The following CHL1 variants were observed in gnomAD, a reference collection of about 807,000 sequenced individuals.
CHL1 encodes neural cell adhesion molecule L1-like protein.
In CHL1, 96 loss-of-function variants were observed where a neutral mutation model predicts 141.9. The observed-to-expected ratio is 0.68, with a 90% confidence interval of 0.57 to 0.80. The LOEUF (loss-of-function observed/expected upper bound fraction) is 0.80. Among genes scored for constraint, CHL1 ranks in the 30% least tolerant of loss-of-function variants. The pLI, the probability that CHL1 is intolerant of heterozygous loss-of-function variation, is 0.00. For missense variants in CHL1, 1,820 were observed against 1,457.2 expected (o/e 1.25, Z -4.05); for synonymous variants, 613 against 502.2 (o/e 1.22, Z -2.95).
chr3:387,776 C>G (rs964975523), intron 19 of CHL1, among the ~76,000 whole-genome samples: 1 of 152,166 alleles, frequency 6.6e-6, no homozygotes, highest in Non-Finnish European at 1.5e-5. Flanking sequence ...TGGAGCAAAA[C>G]TTTCCAATGA....
At chr3:363,551 T>C (rs1704502372) in intron 14 of CHL1, 168 bp downstream of exon 14, 1 of 610,176 alleles carries the variant, frequency 1.6e-6, no homozygotes, top group Non-Finnish European at 2.8e-6. Flanking sequence ...TTGCAAGAAC[T>C]ACAGGGTATG....
intron 15 of CHL1, among the ~76,000 whole-genome samples, chr3:371,648 A>G (rs753161950): frequency 3.3e-5 from 5 of 152,186 alleles, no homozygotes; most frequent in Non-Finnish European, 7.4e-5. Context: ...TCCTGTCATC[A>G]TGATGCTGTT....
In CHL1 at chr3:196,791, G is replaced by C. The variant is rs1002113866; in HGVS notation, c.-447G>C. 1 of 152,468 alleles carries C rather than the reference G, an allele frequency of 6.6e-6. No individual in the cohort carries two copies. The highest frequency in any genetic ancestry group is 2.1e-4 in the South Asian group (1 of 4,840). The allele number at this position is 152,468 out of a possible 1,614,324, so 9.4% of individuals were successfully genotyped here. ...GAACCCAGGAAGGGAGCAGAGGCGA[G>C]AGCCAGCCTCCGGCAGGAGGGCGTA... On this transcript the variant is annotated 5_prime_UTR_variant, in exon 1 of 28. Coordinates refer to ENST00000256509, the MANE Select transcript of CHL1 (RefSeq NM_006614.4).
intron 12 of CHL1, 53 bp downstream of exon 12, chr3:360,477 C>G (rs1704127665): frequency 2.5e-6 from 4 of 1,581,732 alleles, no homozygotes; most frequent in African/African-American, 2.7e-5. Flanking sequence ...GGAAAGTGGT[C>G]AAGGTCATGT....
intron 1 of CHL1, among the ~76,000 whole-genome samples, chr3:204,171 A>G (rs991188352): frequency 4.6e-5 from 7 of 152,354 alleles, no homozygotes; most frequent in Admixed American, 2.6e-4. Flanking sequence ...ATGAGAGCTG[A>G]CATAGCAGAG....
intron 1 of CHL1, among the ~76,000 whole-genome samples, chr3:199,109 G>A (rs1328286817): frequency 6.6e-6 from 1 of 152,304 alleles, no homozygotes; most frequent in African/African-American, 2.4e-5. Flanking sequence ...ATAATTTAAC[G>A]TGGTTACAGA....
intron 2 of CHL1, among the ~76,000 whole-genome samples, chr3:284,476 G>A (rs1402542487): frequency 6.6e-6 from 1 of 152,212 alleles, no homozygotes; most frequent in African/African-American, 2.4e-5. Context: ...TCCAAACCGT[G>A]TGAGAAGTCT....
Position 308,894 on chromosome 3 carries a change from A to AT in CHL1, c.-94-10782dup, listed in dbSNP as rs550383714. 3.2e-3 allele frequency: 512 copies of AT among 162,016 alleles called. 7 individuals carry two copies. The highest frequency in any genetic ancestry group is 5.4e-3 in the Non-Finnish European group (366 of 68,290). The allele number at this position is 162,016 out of a possible 1,614,324, so 10.0% of individuals were successfully genotyped here. ...GCGGCATTCATTTTCCTTTCATTATATTTTTTTCTGAATTTGTTCTGGATC... is the reference window on the plus strand; with the variant it reads ...GCGGCATTCATTTTCCTTTCATTATATTTTTTTTCTGAATTTGTTCTGGATC... On this transcript the variant is annotated intron_variant, in intron 2 of 27. Coordinates refer to ENST00000256509, the MANE Select transcript of CHL1 (RefSeq NM_006614.4).
intron 2 of CHL1, among the ~76,000 whole-genome samples, chr3:253,524 G>A (rs535582998): frequency 1.3e-5 from 2 of 152,212 alleles, no homozygotes; most frequent in African/African-American, 2.4e-5. Flanking sequence ...GGCCAATAAA[G>A]TTCCATAACT....
At chr3:303,834 C>T (rs1227776951) in intron 2 of CHL1, among the ~76,000 whole-genome samples, 1 of 152,128 alleles carries the variant, frequency 6.6e-6, no homozygotes, top group Non-Finnish European at 1.5e-5. Flanking sequence ...CAGTTTTTGC[C>T]CATTCAGTAT....
intron 15 of CHL1, among the ~76,000 whole-genome samples, chr3:370,104 G>A (rs1425122188): frequency 6.6e-6 from 1 of 152,110 alleles, no homozygotes; most frequent in African/African-American, 2.4e-5. Context: ...GGATGATGCT[G>A]GCTTCACAAA....
intron 1 of CHL1, among the ~76,000 whole-genome samples, chr3:209,241 A>C (rs1489557449): frequency 6.6e-6 from 1 of 152,224 alleles, no homozygotes. Context: ...GCATAATTAT[A>C]TTATTTCAGC....
At chr3:344,303 G>A (rs1702581001) in intron 8 of CHL1, among the ~76,000 whole-genome samples, 1 of 152,040 alleles carries the variant, frequency 6.6e-6, no homozygotes, top group Non-Finnish European at 1.5e-5. Context: ...TTTCAATTAA[G>A]GACTTCTGTT....
At chr3:263,207 T>A (rs1235301034) in intron 2 of CHL1, among the ~76,000 whole-genome samples, 1 of 152,164 alleles carries the variant, frequency 6.6e-6, no homozygotes, top group Non-Finnish European at 1.5e-5. Context: ...TCCACTCAAG[T>A]GCCCCGAGAC....
chr3:335,292 C>G (rs144705762), intron 5 of CHL1, among the ~76,000 whole-genome samples: 4 of 152,196 alleles, frequency 2.6e-5, no homozygotes, highest in African/African-American at 9.7e-5. Flanking sequence ...GAGGATTTTA[C>G]TCTGATTCAC....
chr3:409,100 G>A lies in CHL1; in HGVS notation c.*3389G>A, dbSNP rs1413021359. On this transcript the variant is annotated 3_prime_UTR_variant, in exon 28 of 28. Coordinates refer to ENST00000256509, the MANE Select transcript of CHL1 (RefSeq NM_006614.4). The stretch of plus-strand genomic sequence containing the variant: ...ATGTTAAATTAATTATAATGGGATT[G>A]GGTTTGTTATCTGTGGTAGTATATA... The A allele has an allele frequency of 2.0e-5, 3 of 152,012 alleles. No homozygotes were observed. 9.4% of individuals were successfully genotyped at this position (152,012 alleles called of 1,614,324 possible).
At chr3:379,188 G>C (rs1350990874) in intron 16 of CHL1, among the ~76,000 whole-genome samples, 1 of 152,086 alleles carries the variant, frequency 6.6e-6, no homozygotes, top group Non-Finnish European at 1.5e-5. Context: ...TCTTCTGAGA[G>C]ACTGATAAAA....
intron 4 of CHL1, 147 bp downstream of exon 4, chr3:326,211 A>G (rs928165440): frequency 2.0e-6 from 1 of 492,778 alleles, no homozygotes; most frequent in African/African-American, 2.1e-5. Flanking sequence ...CATGCAAACA[A>G]AAAAAAAATT....
chr3:237,043 A>T (rs1425901256), intron 1 of CHL1, among the ~76,000 whole-genome samples: 2 of 152,138 alleles, frequency 1.3e-5, no homozygotes, highest in Non-Finnish European at 2.9e-5. Context: ...CTTGCCTTGG[A>T]ATGTTCTTTG....
Sources: allele counts gnomAD v4.1 joint callset (sites outside exome capture counted in the v4.1 genomes callset), GRCh38; gene constraint gnomAD v4.1.1; transcripts MANE v1.5; gene names NCBI Gene and HGNC (gene_info 2026-07-23, HGNC 2026-07-21).